Variants in GSK3B observed in about 807,000 individuals in gnomAD.
The protein encoded by GSK3B is glycogen synthase kinase-3 beta.
Under a neutral mutation model 56.4 loss-of-function variants are expected in GSK3B, and 15 were observed. The ratio of observed to expected loss-of-function variants is 0.27; its 90% confidence interval spans 0.18 to 0.41. GSK3B has a LOEUF of 0.41. Ranked by LOEUF, GSK3B falls within the 10% of genes least tolerant of loss-of-function variation. The pLI is 1.00. For synonymous variants in GSK3B, 181 were observed against 188.9 expected (o/e 0.96, Z 0.34); for missense variants, 300 against 513.4 (o/e 0.58, Z 4.02).
chr3:119,984,019 G>C (rs2057489599), intron 2 of GSK3B, among the ~76,000 whole-genome samples: 1 of 152,192 alleles, frequency 6.6e-6, no homozygotes, highest in Admixed American at 6.5e-5. Context: ...ATAGACCACA[G>C]TGCAATAAAA....
chr3:119,861,517 A>C (rs2056101328), intron 9 of GSK3B, among the ~76,000 whole-genome samples: 1 of 151,866 alleles, frequency 6.6e-6, no homozygotes, highest in Non-Finnish European at 1.5e-5. Context: ...TCTCAAAAAA[A>C]AAAAAAACAA....
intron 3 of GSK3B, among the ~76,000 whole-genome samples, chr3:119,924,331 T>C (rs572481700): frequency 9.8e-5 from 15 of 152,336 alleles, no homozygotes; most frequent in Admixed American, 5.9e-4. Flanking sequence ...TGTTCAAGCA[T>C]AGGCTTGGCT....
chr3:119,942,665 G>T (rs929431515), intron 3 of GSK3B, among the ~76,000 whole-genome samples: 2 of 152,106 alleles, frequency 1.3e-5, no homozygotes, highest in Admixed American at 1.3e-4. Context: ...AAAATCATCT[G>T]ATCCCACACC....
chr3:119,985,136 A>T (rs1164284824), intron 2 of GSK3B, among the ~76,000 whole-genome samples: 1 of 152,206 alleles, frequency 6.6e-6, no homozygotes, highest in African/African-American at 2.4e-5. Flanking sequence ...GACAAAATTC[A>T]ACAGCCCCTC....
intron 6 of GSK3B, among the ~76,000 whole-genome samples, chr3:119,909,830 T>C (rs967987205): frequency 6.6e-6 from 1 of 152,112 alleles, no homozygotes; most frequent in African/African-American, 2.4e-5. Flanking sequence ...TCTATTCAGT[T>C]CCTCCTATCA....
intron 1 of GSK3B, among the ~76,000 whole-genome samples, chr3:120,036,957 T>C (rs2058028550): frequency 6.6e-6 from 1 of 152,202 alleles, no homozygotes; most frequent in Admixed American, 6.5e-5. Context: ...TGTCAACACC[T>C]GTTAAAAAAC....
chr3:119,919,571 G>T (rs1391093046), intron 4 of GSK3B, among the ~76,000 whole-genome samples: 5 of 149,528 alleles, frequency 3.3e-5, no homozygotes, highest in Non-Finnish European at 1.5e-5. Flanking sequence ...TTTCCCACAA[G>T]GGGGAGAAAG....
At chr3:119,871,822 G>T (rs2056253669) in intron 8 of GSK3B, among the ~76,000 whole-genome samples, 1 of 152,090 alleles carries the variant, frequency 6.6e-6, no homozygotes, top group South Asian at 2.1e-4. Flanking sequence ...CTACAAACTG[G>T]ACAACACTCC....
chr3:119,972,183 T>A (rs1225011422), intron 2 of GSK3B, among the ~76,000 whole-genome samples: 1 of 152,156 alleles, frequency 6.6e-6, no homozygotes, highest in Non-Finnish European at 1.5e-5. Context: ...TAATAACATT[T>A]TACCTCTAAC....
rs1312392105 is a variant in GSK3B at position 119,994,343 on chromosome 3, TAAAG to T, written c.282+7699_282+7702del. Reference sequence around the variant, plus strand: ...AATCCTTAGAGTAGAATCTAATTAATAAAGAAAAAAAGAATTAGAAAATCACCAT... The same window carrying T: ...AATCCTTAGAGTAGAATCTAATTAATAAAAAAAGAATTAGAAAATCACCAT... On this transcript the variant is annotated intron_variant, in intron 2 of 10. Transcript: ENST00000264235. Among the ~76,000 whole-genome samples the T allele has an allele frequency of 6.0e-4, 91 of 151,962 alleles. 1 individual carries two copies. The highest frequency in any genetic ancestry group is 1.8e-4 in the Non-Finnish European group (12 of 67,930).
At chr3:120,016,719 G>GT (rs2057831012) in intron 1 of GSK3B, among the ~76,000 whole-genome samples, 1 of 151,858 alleles carries the variant, frequency 6.6e-6, no homozygotes, top group East Asian at 1.9e-4. Flanking sequence ...TATCTTCTTG[G>GT]TTTTACCTCA....
intron 3 of GSK3B, among the ~76,000 whole-genome samples, chr3:119,943,538 T>C (rs2057070483): frequency 6.6e-6 from 1 of 152,146 alleles, no homozygotes; most frequent in Non-Finnish European, 1.5e-5. Context: ...GTGAATAATT[T>C]AGTTGTTTTC....
chr3:119,905,114 A>G (rs1265980950), intron 7 of GSK3B, among the ~76,000 whole-genome samples: 4 of 151,840 alleles, frequency 2.6e-5, no homozygotes, highest in Non-Finnish European at 5.9e-5. Flanking sequence ...TTGTTAATAA[A>G]GGTGTATGTA....
chr3:120,033,194 C>T (rs139234723), intron 1 of GSK3B, among the ~76,000 whole-genome samples: 3 of 152,272 alleles, frequency 2.0e-5, no homozygotes, highest in African/African-American at 7.2e-5. Flanking sequence ...TCTTTTGGTT[C>T]CTCAGTAATA....
chr3:120,002,292 G>C, intron 1 of GSK3B, 53 bp from the exon 2 acceptor site: 1 of 1,037,740 alleles, frequency 9.6e-7, no homozygotes, highest in African/African-American at 1.6e-5. Context: ...GAATTAAATA[G>C]AGAAAACTGC....
intron 9 of GSK3B, among the ~76,000 whole-genome samples, chr3:119,856,687 T>C (rs2108025866): frequency 6.6e-6 from 1 of 152,258 alleles, no homozygotes; most frequent in East Asian, 1.9e-4. Context: ...CAGAAGAGTA[T>C]ACCTGATTAC....
At chr3:119,972,589 C>T (rs565985833) in intron 2 of GSK3B, among the ~76,000 whole-genome samples, 2 of 152,068 alleles carry the variant, frequency 1.3e-5, no homozygotes, top group Non-Finnish European at 2.9e-5. Flanking sequence ...GTGCCTGTCA[C>T]GAAGCCCAGC....
intron 10 of GSK3B, among the ~76,000 whole-genome samples, chr3:119,841,581 A>C (rs1273512576): frequency 6.6e-6 from 1 of 152,214 alleles, no homozygotes; most frequent in African/African-American, 2.4e-5. Context: ...TTTACCTTAA[A>C]AATTTTAAAG....
At chr3:119,870,569 G>C (rs1302339823) in intron 8 of GSK3B, among the ~76,000 whole-genome samples, 2 of 152,048 alleles carry the variant, frequency 1.3e-5, no homozygotes, top group African/African-American at 4.8e-5. Flanking sequence ...CTAAAAGCTG[G>C]ATTTTAATGT....
Sources: allele counts gnomAD v4.1 joint callset (sites outside exome capture counted in the v4.1 genomes callset), GRCh38; gene constraint gnomAD v4.1.1; transcripts MANE v1.5; gene names NCBI Gene and HGNC (gene_info 2026-07-23, HGNC 2026-07-21).